Variants in TMEM266 observed in about 807,000 individuals in gnomAD.
The protein encoded by TMEM266 is transmembrane protein 266, also known as Hv1 related protein 1.
A neutral mutation model predicts 50.5 loss-of-function variants in TMEM266; 33 were observed. The observed-to-expected ratio is 0.65, with a 90% CI of 0.50 to 0.87. The LOEUF (loss-of-function observed/expected upper bound fraction) is 0.87. Ranked by LOEUF, TMEM266 falls within the 40% of genes least tolerant of loss-of-function variation. The pLI is 0.00. For synonymous variants in TMEM266, 310 were observed against 292.3 expected, an observed-to-expected ratio of 1.06 and a Z score of -0.62; for missense variants, 655 against 695.1, an observed-to-expected ratio of 0.94 and a Z score of 0.65.
Position 76,132,133 on chromosome 15 carries a change from G to T in TMEM266, c.-96-2035G>T, listed in dbSNP as rs551904775. ...ATCCAATTTTTTTTTTTTTGAGATGGAGTCTCGCTCTGTCGCCTAGGCTGG... is the reference window on the plus strand; with the variant it reads ...ATCCAATTTTTTTTTTTTTGAGATGTAGTCTCGCTCTGTCGCCTAGGCTGG... On this transcript the variant is annotated intron_variant, in intron 1 of 10. Coordinates refer to ENST00000388942, the MANE Select transcript of TMEM266 (RefSeq NM_152335.3). Among the ~76,000 whole-genome samples, 392 of 149,798 alleles carry T rather than the reference G, an allele frequency of 2.6e-3. 2 individuals are homozygous for T. Among genetic ancestry groups the T allele is most frequent in the African/African-American group, 9.4e-3 (378 of 40,372 alleles).
intron 1 of TMEM266, among the ~76,000 whole-genome samples, chr15:76,132,823 A>ATTATTC (rs1439044013): frequency 1.3e-4 from 11 of 82,508 alleles, no homozygotes; most frequent in Non-Finnish European, 2.0e-4. Context: ...AATTATTATT[A>ATTATTC]TTATTATTAT....
intron 4 of TMEM266, among the ~76,000 whole-genome samples, chr15:76,159,097 C>T (rs933936083): frequency 6.6e-6 from 1 of 152,178 alleles, no homozygotes; most frequent in African/African-American, 2.4e-5. Context: ...ATGTTCTCAG[C>T]AGCATTCCTG....
rs183851842 is a variant in TMEM266, at chr15:76,160,544, G to A, written c.456+376G>A. Among the ~76,000 whole-genome samples, 140 of 152,354 alleles carry A rather than the reference G, an allele frequency of 9.2e-4. No individual in the cohort carries two copies. Among genetic ancestry groups the A allele is most frequent in the African/African-American group, 3.0e-3 (126 of 41,576 alleles). On this transcript the variant is annotated intron_variant, in intron 5 of 10. Coordinates refer to ENST00000388942, the MANE Select transcript of TMEM266 (RefSeq NM_152335.3). The surrounding 1 kb of genome is among the most constrained non-coding windows in gnomAD (Gnocchi z 5.7). ...GAGGCTGAAGCCAGGTGCCCACACAGGGAAGCTCTTGGGCCGCTGTGGCTG... is the reference window on the plus strand; with the variant it reads ...GAGGCTGAAGCCAGGTGCCCACACAAGGAAGCTCTTGGGCCGCTGTGGCTG...
intron 3 of TMEM266, among the ~76,000 whole-genome samples, chr15:76,149,675 A>C (rs142548122): frequency 6.6e-6 from 1 of 152,344 alleles, no homozygotes; most frequent in East Asian, 1.9e-4. Context: ...TACAACTGTG[A>C]TTTGGAGACA....
chr15:76,100,220 T>C (rs2036982366), intron 1 of TMEM266, among the ~76,000 whole-genome samples: 1 of 152,212 alleles, frequency 6.6e-6, no homozygotes. Flanking sequence ...TGGTTTCCTC[T>C]GCAGGTCGGA....
At chr15:76,134,076 GA>G (rs1447240777) in intron 1 of TMEM266, 91 bp from the exon 2 acceptor site, 5 of 535,658 alleles carry the variant, frequency 9.3e-6, no homozygotes, top group Non-Finnish European at 1.7e-5. Flanking sequence ...GTGCTAGATG[GA>G]AGAAAGTTCT....
intron 1 of TMEM266, among the ~76,000 whole-genome samples, chr15:76,075,493 T>G (rs1259747610): frequency 2.0e-5 from 3 of 152,142 alleles, no homozygotes; most frequent in Admixed American, 6.5e-5. Flanking sequence ...GGTCATGGCT[T>G]ATGTTTGAAA....
At chr15:76,170,362 A>G (rs1359963784) in intron 6 of TMEM266, among the ~76,000 whole-genome samples, 1 of 151,976 alleles carries the variant, frequency 6.6e-6, no homozygotes, top group Non-Finnish European at 1.5e-5. Context: ...CTCCTTCCTC[A>G]CCTCTCCATC....
At chr15:76,077,440 A>C (rs1364420487) in intron 1 of TMEM266, among the ~76,000 whole-genome samples, 1 of 152,106 alleles carries the variant, frequency 6.6e-6, no homozygotes, top group East Asian at 1.9e-4. Flanking sequence ...TGGTGTGGTA[A>C]GTCAAAAGCT....
intron 1 of TMEM266, among the ~76,000 whole-genome samples, chr15:76,100,783 C>A (rs1204822134): frequency 6.6e-6 from 1 of 152,168 alleles, no homozygotes; most frequent in Non-Finnish European, 1.5e-5. Context: ...CCTATAAAGA[C>A]AGAATCACAG....
At chr15:76,109,034 G>A (rs1206404678) in intron 1 of TMEM266, 1 of 152,140 alleles carries the variant, frequency 6.6e-6, no homozygotes, top group African/African-American at 2.4e-5. Flanking sequence ...CCACCCGAGA[G>A]GCCACATGAG....
rs563903921 is a variant in TMEM266 at position 76,168,194 on chromosome 15, G to C, written c.457-1622G>C. On this transcript the variant is annotated intron_variant, in intron 5 of 10. Coordinates refer to ENST00000388942, the MANE Select transcript of TMEM266 (RefSeq NM_152335.3). The surrounding 1 kb of genome is among the most constrained non-coding windows in gnomAD (Gnocchi z 4.4). ...CCTGCAAGCTGTCTCGCAGTTAAGC[G>C]TGGGGCCACCCACCCAGAGACCGGG... Among the ~76,000 whole-genome samples the C allele has an allele frequency of 2.0e-5, 3 of 152,036 alleles. No individual in the cohort carries two copies. Among genetic ancestry groups the C allele is most frequent in the Non-Finnish European group, 4.4e-5 (3 of 68,016 alleles).
intron 1 of TMEM266, among the ~76,000 whole-genome samples, chr15:76,084,959 CTT>C (rs1388101806): frequency 2.2e-4 from 30 of 134,952 alleles, no homozygotes; most frequent in Admixed American, 3.7e-4. Flanking sequence ...TTTCTTTTTC[CTT>C]TTTTTTTTTT....
At chr15:76,190,820 C>T (rs2038556139) in intron 8 of TMEM266, among the ~76,000 whole-genome samples, 1 of 152,122 alleles carries the variant, frequency 6.6e-6, no homozygotes, top group Non-Finnish European at 1.5e-5. Flanking sequence ...GGTGCATTTG[C>T]GCGGCATTGG....
At chr15:76,163,951 A>C (rs2142054100) in intron 5 of TMEM266, among the ~76,000 whole-genome samples, 1 of 152,278 alleles carries the variant, frequency 6.6e-6, no homozygotes, top group African/African-American at 2.4e-5. Flanking sequence ...TTTAGTACCC[A>C]CACGGTGATG....
chr15:76,118,801 AT>A (rs2037291322), intron 1 of TMEM266, among the ~76,000 whole-genome samples: 1 of 152,162 alleles, frequency 6.6e-6, no homozygotes, highest in Non-Finnish European at 1.5e-5. Flanking sequence ...ATCCCAGGAG[AT>A]TTACGTAGAG....
chr15:76,158,905 T>C (rs146197877), intron 4 of TMEM266, among the ~76,000 whole-genome samples: 195 of 152,344 alleles, frequency 1.3e-3, no homozygotes, highest in African/African-American at 4.0e-3. Flanking sequence ...GCTCTGTGAC[T>C]TGATTTCTAC....
At chr15:76,165,966 C>T (rs1191541402) in intron 5 of TMEM266, among the ~76,000 whole-genome samples, 4 of 152,134 alleles carry the variant, frequency 2.6e-5, no homozygotes, top group Non-Finnish European at 4.4e-5. Context: ...AAGCATATTC[C>T]GGGGCTTGTG....
At chr15:76,143,224 CCT>C (rs1463947796) in intron 3 of TMEM266, among the ~76,000 whole-genome samples, 37 of 152,310 alleles carry the variant, frequency 2.4e-4, no homozygotes, top group Admixed American at 1.6e-3. Flanking sequence ...CGTGTCCTCC[CCT>C]GACTCCACGT....
Sources: gnomAD v4.1 joint callset for allele counts (sites outside exome capture counted in the v4.1 genomes callset) on GRCh38, gnomAD v4.1.1 for gene constraint, Gnocchi (gnomAD v3.1) non-coding constraint, MANE v1.5 for transcripts, NCBI Gene and HGNC (gene_info 2026-07-23, HGNC 2026-07-21) for gene names.